COPS4: variants seen among roughly 807,000 people sequenced by gnomAD.
COPS4 encodes the protein COP9 signalosome complex subunit 4.
In COPS4, 8 loss-of-function variants were observed where a neutral mutation model predicts 55.1. The observed-to-expected ratio is 0.15, with a 90% confidence interval of 0.09 to 0.26. COPS4 has a LOEUF of 0.26. Ranked by LOEUF, COPS4 falls within the 10% of genes least tolerant of loss-of-function variation. The probability of loss-of-function intolerance (pLI) is 1.00; values close to 1 mark genes in which losing one functional copy is unlikely to be tolerated. For synonymous variants in COPS4, 185 were observed against 165.7 expected, an observed-to-expected ratio of 1.12 and a Z score of -0.90; for missense variants, 248 against 484.0, an observed-to-expected ratio of 0.51 and a Z score of 4.58.
chr4:83,062,604 G>A (rs570563700), intron 6 of COPS4, among the ~76,000 whole-genome samples: 40 of 151,940 alleles, frequency 2.6e-4, no homozygotes, highest in African/African-American at 9.2e-4. Flanking sequence ...TCACACTTCC[G>A]TTCTGTTACC....
intron 1 of COPS4, among the ~76,000 whole-genome samples, chr4:83,044,544 G>A (rs991583136): frequency 6.6e-6 from 1 of 152,024 alleles, no homozygotes; most frequent in Non-Finnish European, 1.5e-5. Flanking sequence ...TTGGGAGGCT[G>A]AGGTGGGCGG....
intron 2 of COPS4, among the ~76,000 whole-genome samples, chr4:83,048,515 G>A (rs1370302083): frequency 6.6e-6 from 1 of 151,992 alleles, no homozygotes; most frequent in Non-Finnish European, 1.5e-5. Context: ...AAATATAGGT[G>A]TTTTTGTGCC....
chr4:83,048,921 A>G (rs1396833476), intron 2 of COPS4, among the ~76,000 whole-genome samples: 3 of 152,136 alleles, frequency 2.0e-5, no homozygotes, highest in Non-Finnish European at 2.9e-5. Context: ...CTGAGATTAC[A>G]GGCGTGAGCC....
intron 6 of COPS4, among the ~76,000 whole-genome samples, chr4:83,059,889 G>A (rs891313435): frequency 5.3e-5 from 8 of 151,936 alleles, no homozygotes; most frequent in Non-Finnish European, 1.2e-4. Flanking sequence ...TTTTAGTAGA[G>A]ACGGGGTTTC....
intron 9 of COPS4, among the ~76,000 whole-genome samples, chr4:83,068,963 C>G: frequency 1.5e-5 from 1 of 66,830 alleles, no homozygotes; most frequent in Admixed American, 1.9e-4. Context: ...AAGCGAGACT[C>G]TGTCTCAAAA....
intron 1 of COPS4, among the ~76,000 whole-genome samples, chr4:83,042,079 G>A (rs1165333483): frequency 6.6e-6 from 1 of 151,122 alleles, no homozygotes; most frequent in Non-Finnish European, 1.5e-5. Context: ...TGGCCAGGCT[G>A]GTCTCGAACT....
At chr4:83,044,982 T>C (rs1578705115) in intron 1 of COPS4, among the ~76,000 whole-genome samples, 1 of 152,194 alleles carries the variant, frequency 6.6e-6, no homozygotes, top group African/African-American at 2.4e-5. Flanking sequence ...TTAGGTAGAA[T>C]AGTTATTAGA....
At chr4:83,045,544 A>G in intron 1 of COPS4, 82 bp from the exon 2 acceptor site, 2 of 1,080,964 alleles carry the variant, frequency 1.9e-6, no homozygotes, top group South Asian at 1.4e-5. Context: ...CAAGGTATGT[A>G]GAAATGAATA....
chr4:83,052,056 A>G (rs1326388729), intron 4 of COPS4, among the ~76,000 whole-genome samples: 1 of 152,210 alleles, frequency 6.6e-6, no homozygotes, highest in South Asian at 2.1e-4. Context: ...TGTAGAGGCC[A>G]CTGATAACCT....
chr4:83,073,648 C>T (rs555675457), intron 9 of COPS4, among the ~76,000 whole-genome samples: 5 of 152,206 alleles, frequency 3.3e-5, no homozygotes, highest in African/African-American at 1.2e-4. Flanking sequence ...TATCTTTTGC[C>T]CTTTATTAAG....
rs1669278504 is a variant in COPS4, at chr4:83,058,680, CT to C, written c.715+1277del. On this transcript the variant is annotated intron_variant, in intron 6 of 9. Transcript: ENST00000264389. Reference sequence around the variant, plus strand: ...GCATATACACACTTTTGCAACTTACCTTTTTATTGTAACTGTATACATCATA... The same window carrying C: ...GCATATACACACTTTTGCAACTTACCTTTTATTGTAACTGTATACATCATA... Among the ~76,000 whole-genome samples, 2 of 152,092 alleles carry C rather than the reference CT, an allele frequency of 1.3e-5. 1 individual carries two copies. The highest frequency in any genetic ancestry group is 1.3e-4 in the Admixed American group (2 of 15,258).
chr4:83,060,350 ATT>A (rs376935134), intron 6 of COPS4, among the ~76,000 whole-genome samples: 128 of 121,362 alleles, frequency 1.1e-3, no homozygotes, highest in Admixed American at 1.4e-3. Context: ...CGCGCAGCTA[ATT>A]TTTTTTTTTT....
intron 1 of COPS4, among the ~76,000 whole-genome samples, chr4:83,040,457 C>A (rs980120000): frequency 6.6e-6 from 1 of 152,174 alleles, no homozygotes; most frequent in African/African-American, 2.4e-5. Context: ...GAATTTGTAA[C>A]CTTACTTCCA....
chr4:83,051,247 AT>A (rs1730882558), intron 4 of COPS4, among the ~76,000 whole-genome samples: 1 of 151,696 alleles, frequency 6.6e-6, no homozygotes, highest in East Asian at 1.9e-4. Context: ...CTACAAAAAA[AT>A]TTTTTTTTGT....
chr4:83,057,032 T>C lies in COPS4; in HGVS notation c.517T>C (p.Leu173=), dbSNP rs1442836128. Reference sequence around the variant, plus strand: ...AGAGGCTTACATAAATCGAGCATCGTTGCTTCAGAATGAATCAACCAATGA... The same window carrying C: ...AGAGGCTTACATAAATCGAGCATCGCTGCTTCAGAATGAATCAACCAATGA... ...QAEAYINRAS[L]LQNESTNEQL... is the part of the protein sequence containing the mutation. Residue 173 remains leucine, a synonymous_variant, in exon 5 of 10, where the codon TTG becomes CTG. Coordinates refer to ENST00000264389, the MANE Select transcript of COPS4 (RefSeq NM_016129.3). The C allele has an allele frequency of 6.2e-7, 1 of 1,614,066 alleles. No individual in the cohort carries two copies. The highest frequency in any genetic ancestry group is 1.1e-5 in the South Asian group (1 of 91,078).
chr4:83,074,496 C>G (rs1194705098), intron 9 of COPS4, among the ~76,000 whole-genome samples: 1 of 138,836 alleles, frequency 7.2e-6, no homozygotes, highest in African/African-American at 2.7e-5. Context: ...GAGTTTCACT[C>G]TTGTCGCCCA....
At chr4:83,045,803 T>C (rs1730694236) in intron 2 of COPS4, 98 bp downstream of exon 2, 2 of 687,050 alleles carry the variant, frequency 2.9e-6, no homozygotes, top group South Asian at 3.8e-5. Context: ...CAATATTAAA[T>C]ATGCATTGAG....
rs1319995096 is a variant in COPS4, at chr4:83,075,563, CATT to C, written c.*138_*140del. On this transcript the variant is annotated 3_prime_UTR_variant, in exon 10 of 10. Coordinates refer to ENST00000264389, the MANE Select transcript of COPS4 (RefSeq NM_016129.3). ...TATGCTGGATTCCGTTTAAAGAAGACATTATTAGAGCAGGAAGTACAAGCATTT... is the reference window on the plus strand; with the variant it reads ...TATGCTGGATTCCGTTTAAAGAAGACATTAGAGCAGGAAGTACAAGCATTT... The C allele has an allele frequency of 8.3e-6, 8 of 963,990 alleles. No homozygotes were observed. The Admixed American group carries it at 2.4e-4, about 28-fold the overall frequency. 59.7% of individuals were successfully genotyped at this position (963,990 alleles called of 1,614,324 possible). A position where few individuals can be genotyped will look rare whatever the true frequency, so the allele number is the denominator to read the frequency against.
At chr4:83,049,072 G>A in intron 2 of COPS4, 94 bp from the exon 3 acceptor site, 5 of 1,166,510 alleles carry the variant, frequency 4.3e-6, no homozygotes, top group Non-Finnish European at 4.9e-6. Flanking sequence ...TACTAATATA[G>A]ATTGTTGTTA....
Sources: allele counts gnomAD v4.1 joint callset (sites outside exome capture counted in the v4.1 genomes callset), GRCh38; gene constraint gnomAD v4.1.1; transcripts MANE v1.5; gene names NCBI Gene and HGNC (gene_info 2026-07-23, HGNC 2026-07-21).